The following SPATA13 variants were observed in gnomAD, a reference collection of about 807,000 sequenced individuals.
The protein encoded by SPATA13 is spermatogenesis associated 13.
In SPATA13, 50 loss-of-function variants were observed where a neutral mutation model predicts 104.0. The ratio of observed to expected loss-of-function variants is 0.48; its 90% CI spans 0.38 to 0.61. SPATA13 has a LOEUF of 0.61. Among genes scored for constraint, SPATA13 ranks in the 20% least tolerant of loss-of-function variants. The pLI is 0.00. For missense variants in SPATA13, 1,524 were observed against 1,690.6 expected (o/e 0.90, Z 1.73); for synonymous variants, 606 against 667.5 (o/e 0.91, Z 1.42).
intron 3 of SPATA13, among the ~76,000 whole-genome samples, chr13:24,045,788 C>G (rs1878121643): frequency 6.6e-6 from 1 of 152,206 alleles, no homozygotes; most frequent in Non-Finnish European, 1.5e-5. Flanking sequence ...GGGATTTGTT[C>G]CAACTGCAGG....
chr13:24,208,579 G>GGGTGGGC (rs1253800445), intron 1 of SPATA13, among the ~76,000 whole-genome samples: 1 of 151,628 alleles, frequency 6.6e-6, no homozygotes, highest in Non-Finnish European at 1.5e-5. Context: ...AGACTGGTGG[G>GGGTGGGC]GACTTTCCAG....
chr13:24,271,671 C>T (rs1333510283), intron 4 of SPATA13, among the ~76,000 whole-genome samples: 1 of 152,168 alleles, frequency 6.6e-6, no homozygotes. Flanking sequence ...AGGCTTTTCC[C>T]TGGCTGCACT....
At position 24,116,231 on chromosome 13, in the gene SPATA13, T is replaced by G. The variant is rs113136941; in HGVS notation, c.-112+98530T>G. 2.4e-3 allele frequency among the ~76,000 whole-genome samples: 363 copies of G among 152,330 alleles called. 5 individuals carry two copies. Among genetic ancestry groups the G allele is most frequent in the African/African-American group, 8.1e-3 (335 of 41,566 alleles). On this transcript the variant is annotated intron_variant, in intron 3 of 14. Coordinates refer to the SPATA13 transcript ENST00000424834. ...TGCTAAGCTCCTGCTTTTCATGGATTGCATCTTCTCACTGTGTCCTCACGT... is the reference window on the plus strand; with the variant it reads ...TGCTAAGCTCCTGCTTTTCATGGATGGCATCTTCTCACTGTGTCCTCACGT...
At chr13:24,292,233 A>G (rs1876442395) in intron 9 of SPATA13, among the ~76,000 whole-genome samples, 1 of 152,218 alleles carries the variant, frequency 6.6e-6, no homozygotes, top group Admixed American at 6.5e-5. Flanking sequence ...CATGTCACCC[A>G]TTCAGCATTG....
At chr13:24,093,045 C>T (rs984567285) in intron 3 of SPATA13, among the ~76,000 whole-genome samples, 4 of 152,164 alleles carry the variant, frequency 2.6e-5, no homozygotes, top group Non-Finnish European at 4.4e-5. Context: ...ACAATGGGCA[C>T]GATCACATTT....
At chr13:24,050,369 C>T (rs1356150527) in intron 3 of SPATA13, among the ~76,000 whole-genome samples, 1 of 152,086 alleles carries the variant, frequency 6.6e-6, no homozygotes, top group African/African-American at 2.4e-5. Context: ...GCCAAATTTC[C>T]CCGCTTGACT....
At chr13:24,068,070 T>C (rs117900647) in intron 3 of SPATA13, among the ~76,000 whole-genome samples, 1 of 152,208 alleles carries the variant, frequency 6.6e-6, no homozygotes, top group South Asian at 2.1e-4. Flanking sequence ...TAAACTTGTA[T>C]CATGGGGGTT....
chr13:24,192,103 C>G (rs1234378119), intron 1 of SPATA13, among the ~76,000 whole-genome samples: 2 of 152,128 alleles, frequency 1.3e-5, no homozygotes, highest in Non-Finnish European at 2.9e-5. Flanking sequence ...ATCTGTGGCT[C>G]CACCCTGGTT....
chr13:24,056,868 C>A (rs1335745564), intron 3 of SPATA13, among the ~76,000 whole-genome samples: 1 of 151,670 alleles, frequency 6.6e-6, no homozygotes, highest in Non-Finnish European at 1.5e-5. Flanking sequence ...AAGGGAGTGG[C>A]CTTCCTTATC....
intron 2 of SPATA13, among the ~76,000 whole-genome samples, chr13:24,242,941 T>C (rs1165908042): frequency 6.6e-6 from 1 of 152,188 alleles, no homozygotes; most frequent in African/African-American, 2.4e-5. Context: ...TTAAGGGACA[T>C]TGGGTAATGA....
chr13:24,072,814 A>C (rs1879210650), intron 3 of SPATA13, among the ~76,000 whole-genome samples: 1 of 111,814 alleles, frequency 8.9e-6, no homozygotes, highest in Non-Finnish European at 1.8e-5. Context: ...CTCAGTGTCT[A>C]CTGTTGGCTC....
chr13:24,201,191 A>T (rs1870380784), intron 1 of SPATA13, among the ~76,000 whole-genome samples: 1 of 152,140 alleles, frequency 6.6e-6, no homozygotes, highest in African/African-American at 2.4e-5. Flanking sequence ...GCATTTACCT[A>T]GACAAGCTGT....
intron 2 of SPATA13, among the ~76,000 whole-genome samples, chr13:24,232,428 C>A (rs923541219): frequency 1.3e-5 from 2 of 152,366 alleles, no homozygotes; most frequent in East Asian, 3.9e-4. Context: ...CAAACGCACC[C>A]AGAAATAATG....
chr13:24,037,012 G>C (rs1451523893), intron 3 of SPATA13, among the ~76,000 whole-genome samples: 1 of 151,922 alleles, frequency 6.6e-6, no homozygotes, highest in Admixed American at 6.6e-5. Flanking sequence ...TTGACCTCCT[G>C]ATCTGCCCAC....
At chr13:24,059,590 A>G (rs17079863) in intron 3 of SPATA13, among the ~76,000 whole-genome samples, 1,827 of 152,336 alleles carry the variant, frequency 0.012, 81 homozygotes, top group East Asian at 0.11. Flanking sequence ...CTGAGGACAG[A>G]TACTTTCATT....
Position 24,223,921 on chromosome 13 carries a change from C to A in SPATA13, c.992C>A (p.Ala331Asp), listed in dbSNP as rs867978325. 14 of 1,551,384 alleles carry A rather than the reference C, an allele frequency of 9.0e-6. No individual in the cohort carries two copies. The African/African-American group carries it at 1.4e-4, about 15-fold the overall frequency. The change falls in exon 2 of 13, where the codon GCC (alanine) becomes GAC (aspartate). Residue 331 changes from alanine to aspartate, a missense_variant. Ala to Asp is a moderately radical substitution (Grantham distance 126, BLOSUM62 -2). Coordinates refer to ENST00000382108, the MANE Select transcript of SPATA13 (RefSeq NM_001166271.3). Reference protein sequence around the residue: ...FKLVSNVTEAAWRRESPRSGA... With the variant: ...FKLVSNVTEADWRRESPRSGA... ...CTTGTGAGCAATGTGACTGAGGCTGCCTGGAGGAGGGAGAGTCCTAGGAGT... is the reference window on the plus strand; with the variant it reads ...CTTGTGAGCAATGTGACTGAGGCTGACTGGAGGAGGGAGAGTCCTAGGAGT...
At chr13:24,094,542 G>A (rs1216831530) in intron 3 of SPATA13, among the ~76,000 whole-genome samples, 1 of 152,158 alleles carries the variant, frequency 6.6e-6, no homozygotes, top group Non-Finnish European at 1.5e-5. Context: ...TTGCTCTATA[G>A]ACCTTATTCT....
chr13:24,188,475 G>A (rs1294851825), intron 1 of SPATA13, among the ~76,000 whole-genome samples: 1 of 152,180 alleles, frequency 6.6e-6, no homozygotes, highest in African/African-American at 2.4e-5. Context: ...TTAAGCCAAA[G>A]GCTAATCCAA....
intron 3 of SPATA13, among the ~76,000 whole-genome samples, chr13:24,116,010 C>T (rs78808673): frequency 0.011 from 1,659 of 152,318 alleles, 20 homozygotes; most frequent in African/African-American, 0.033. Context: ...AGAAGTCACA[C>T]GCCATCATTT....
Sources: gnomAD v4.1 joint callset for allele counts (sites outside exome capture counted in the v4.1 genomes callset) on GRCh38, gnomAD v4.1.1 for gene constraint, MANE v1.5 for transcripts, NCBI Gene and HGNC (gene_info 2026-07-23, HGNC 2026-07-21) for gene names.